Variants in ITGA8 observed in about 807,000 individuals in gnomAD.
ITGA8 encodes the protein integrin alpha-8.
A neutral mutation model predicts 142.3 loss-of-function variants in ITGA8; 91 were observed. That is an observed-to-expected ratio of 0.64 (90% CI 0.54 to 0.76). The LOEUF is 0.76. ITGA8 is among the 30% of genes least tolerant of loss of function. The pLI is 0.00. For missense variants in ITGA8, 1,406 were observed against 1,327.7 expected (o/e 1.06, Z -0.92); for synonymous variants, 505 against 485.2 (o/e 1.04, Z -0.54).
intron 21 of ITGA8, chr10:15,596,997 G>C (rs1833021185): frequency 1.8e-6 from 1 of 553,838 alleles, no homozygotes. Context: ...AGAAAGCATA[G>C]AAGAGCATGC....
intron 26 of ITGA8, among the ~76,000 whole-genome samples, chr10:15,556,978 A>G (rs773004201): frequency 1.1e-4 from 16 of 152,198 alleles, no homozygotes; most frequent in East Asian, 1.9e-4. Flanking sequence ...AAACCCTGAC[A>G]TTCACTTTGA....
intron 21 of ITGA8, among the ~76,000 whole-genome samples, chr10:15,595,975 C>T (rs940188810): frequency 6.6e-6 from 1 of 152,124 alleles, no homozygotes; most frequent in Admixed American, 6.5e-5. Flanking sequence ...CACTTGAACC[C>T]GGGAGGCAGA....
chr10:15,704,671 A>G (rs1329471631), intron 2 of ITGA8, among the ~76,000 whole-genome samples: 1 of 152,204 alleles, frequency 6.6e-6, no homozygotes, highest in African/African-American at 2.4e-5. Context: ...ATGGCCAGGA[A>G]CACAGCATGC....
chr10:15,578,100 G>C (rs546304730), intron 23 of ITGA8, among the ~76,000 whole-genome samples: 2 of 152,172 alleles, frequency 1.3e-5, no homozygotes, highest in South Asian at 4.2e-4. Flanking sequence ...ATCAAAACCA[G>C]AATATTGTCA....
At position 15,718,949 on chromosome 10, in the gene ITGA8, G is replaced by A. The variant is rs146672288; in HGVS notation, c.210-50C>T. On this transcript the variant is annotated intron_variant, in intron 1 of 29. Coordinates refer to ENST00000378076, the MANE Select transcript of ITGA8 (RefSeq NM_003638.3). The stretch of plus-strand genomic sequence containing the variant: ...CTCTTTGGGCGCCACAAAACCGTGC[G>A]CATGCAATGCAGTCTCTGTAACCTC... The A allele has an allele frequency of 6.7e-4, 1,082 of 1,612,662 alleles. 11 individuals are homozygous for A. In the African/African-American group the frequency reaches 0.013, roughly 19 times the overall value.
intron 23 of ITGA8, among the ~76,000 whole-genome samples, chr10:15,576,953 T>C (rs570012182): frequency 3.3e-5 from 5 of 152,202 alleles, no homozygotes; most frequent in Non-Finnish European, 7.3e-5. Context: ...GTCATTATGC[T>C]ATGTTCCCTT....
At chr10:15,526,528 T>C (rs1833178458) in intron 28 of ITGA8, among the ~76,000 whole-genome samples, 2 of 152,150 alleles carry the variant, frequency 1.3e-5, no homozygotes. Flanking sequence ...AGACAAAGCA[T>C]ATTTAGGACT....
intron 8 of ITGA8, among the ~76,000 whole-genome samples, chr10:15,667,389 T>A (rs868721675): frequency 4.1e-4 from 62 of 152,132 alleles, no homozygotes; most frequent in African/African-American, 1.4e-3. Flanking sequence ...TTTTATTGCG[T>A]CTATTTGATT....
At chr10:15,569,277 G>A (rs1214011846) in intron 25 of ITGA8, among the ~76,000 whole-genome samples, 1 of 152,136 alleles carries the variant, frequency 6.6e-6, no homozygotes, top group African/African-American at 2.4e-5. Context: ...ACAGGCCCAC[G>A]GTGGCCTGGG....
intron 8 of ITGA8, among the ~76,000 whole-genome samples, chr10:15,663,480 T>C (rs934887158): frequency 3.9e-5 from 6 of 152,120 alleles, no homozygotes; most frequent in Non-Finnish European, 8.8e-5. Flanking sequence ...ACTACTGTTT[T>C]CTACCATCTT....
intron 2 of ITGA8, among the ~76,000 whole-genome samples, chr10:15,709,819 T>C (rs928538259): frequency 6.6e-6 from 1 of 152,172 alleles, no homozygotes; most frequent in Non-Finnish European, 1.5e-5. Flanking sequence ...TGAAAACAGG[T>C]GAGACTTACA....
rs1313801442 is a variant in ITGA8, at chr10:15,566,951, G to T, written c.2637+5260C>A. Among the ~76,000 whole-genome samples the T allele has an allele frequency of 2.7e-4, 40 of 146,416 alleles. 2 individuals are homozygous for T. The highest frequency in any genetic ancestry group is 1.1e-4 in the Non-Finnish European group (7 of 66,328). ...GGAGGGCAGATCACCTGAGGTCAAGGGTTCGAGACCAGCCTGGCCAACATG... is the reference window on the plus strand; with the variant it reads ...GGAGGGCAGATCACCTGAGGTCAAGTGTTCGAGACCAGCCTGGCCAACATG... On this transcript the variant is annotated intron_variant, in intron 25 of 29. Transcript: ENST00000378076.
At chr10:15,572,407 A>G in intron 24 of ITGA8, 38 bp from the exon 25 acceptor site, 1 of 1,597,352 alleles carries the variant, frequency 6.3e-7, no homozygotes. Context: ...GACCCAGCAG[A>G]AGGCAGAGAG....
At chr10:15,527,113 C>G (rs891907465) in intron 28 of ITGA8, among the ~76,000 whole-genome samples, 13 of 152,142 alleles carry the variant, frequency 8.5e-5, no homozygotes, top group African/African-American at 3.1e-4. Context: ...GACACCCTAC[C>G]TACGGTGCCA....
intron 13 of ITGA8, among the ~76,000 whole-genome samples, chr10:15,617,646 G>T (rs185101606): frequency 3.0e-3 from 450 of 151,910 alleles, no homozygotes; most frequent in African/African-American, 0.01. Context: ...TGATCCACCC[G>T]CCTCGGCCTC....
chr10:15,601,053 A>C (rs1588667850), intron 20 of ITGA8, among the ~76,000 whole-genome samples: 1 of 152,130 alleles, frequency 6.6e-6, no homozygotes, highest in South Asian at 2.1e-4. Context: ...CAGTCTAGCC[A>C]ATATGGTGAA....
intron 13 of ITGA8, among the ~76,000 whole-genome samples, chr10:15,628,887 T>G (rs956014406): frequency 1.3e-5 from 2 of 151,886 alleles, no homozygotes; most frequent in Non-Finnish European, 2.9e-5. Flanking sequence ...AAGGAACAAT[T>G]AACTGTGCGA....
chr10:15,674,784 A>G (rs1213240211), intron 6 of ITGA8, among the ~76,000 whole-genome samples: 1 of 152,110 alleles, frequency 6.6e-6, no homozygotes, highest in African/African-American at 2.4e-5. Context: ...TACTAAAAAT[A>G]CAAAAATTAG....
At chr10:15,686,040 A>G (rs563371807) in intron 3 of ITGA8, among the ~76,000 whole-genome samples, 1 of 152,304 alleles carries the variant, frequency 6.6e-6, no homozygotes, top group South Asian at 2.1e-4. Flanking sequence ...CCAAATACTC[A>G]TCTCTAAAGA....
Sources: allele counts gnomAD v4.1 joint callset (sites outside exome capture counted in the v4.1 genomes callset), GRCh38; gene constraint gnomAD v4.1.1; transcripts MANE v1.5; gene names NCBI Gene and HGNC (gene_info 2026-07-23, HGNC 2026-07-21).